The following KLRG1 variants were observed in gnomAD, a reference collection of about 807,000 sequenced individuals.
KLRG1 encodes the protein killer cell lectin-like receptor subfamily G member 1.
KLRG1 carries 16 observed loss-of-function variants against 21.8 expected under a neutral mutation model. The observed-to-expected ratio is 0.73, with a 90% confidence interval of 0.50 to 1.11. The LOEUF (loss-of-function observed/expected upper bound fraction) is 1.11. KLRG1 is among the 50% of genes most tolerant of loss of function. KLRG1 has a pLI of 0.00. For synonymous variants in KLRG1, 69 were observed against 75.9 expected (o/e 0.91, Z 0.47); for missense variants, 173 against 218.3 (o/e 0.79, Z 1.31).
intron 3 of KLRG1, among the ~76,000 whole-genome samples, chr12:9,005,317 C>T (rs1947440239): frequency 6.6e-6 from 1 of 152,014 alleles, no homozygotes; most frequent in African/African-American, 2.4e-5. Context: ...CAAAACTGCA[C>T]ATTCTGCACA....
chr12:8,972,498 G>C (rs941054530), intron 1 of KLRG1, among the ~76,000 whole-genome samples: 8 of 152,188 alleles, frequency 5.3e-5, no homozygotes, highest in Admixed American at 5.2e-4. Flanking sequence ...TATATGGTGT[G>C]AGTTAAGTCC....
At chr12:9,038,919 A>T in the KLRG1 span, among the ~76,000 whole-genome samples, 1 of 150,542 alleles carries the variant, frequency 6.6e-6, no homozygotes, top group Non-Finnish European at 1.5e-5. Flanking sequence ...AAAAAAAAAA[A>T]TTGAAACAAA....
the KLRG1 span, among the ~76,000 whole-genome samples, chr12:9,182,990 C>T: frequency 6.6e-6 from 1 of 152,168 alleles, no homozygotes; most frequent in Non-Finnish European, 1.5e-5. Context: ...TTTCCAGTAA[C>T]ATATTCTTGG....
chr12:9,152,813 G>C, the KLRG1 span: 2 of 1,613,442 alleles, frequency 1.2e-6, no homozygotes, highest in African/African-American at 1.3e-5. Flanking sequence ...GATTAGGTTA[G>C]AACGTCTTAC....
the KLRG1 span, among the ~76,000 whole-genome samples, chr12:9,059,345 C>A: frequency 6.6e-6 from 1 of 152,190 alleles, no homozygotes; most frequent in Non-Finnish European, 1.5e-5. Flanking sequence ...AATGTATCAG[C>A]ACCTAGCACA....
the KLRG1 span, among the ~76,000 whole-genome samples, chr12:9,056,926 G>T: frequency 2.0e-5 from 3 of 152,054 alleles, no homozygotes; most frequent in African/African-American, 7.2e-5. Flanking sequence ...ATAATTATTT[G>T]TATAGTTCTT....
chr12:8,987,868 T>C (rs1946870164), upstream of KLRG1, among the ~76,000 whole-genome samples: 1 of 152,248 alleles, frequency 6.6e-6, no homozygotes, highest in South Asian at 2.1e-4. Context: ...ATTGTATGTG[T>C]AGACCACATT....
chr12:9,115,674 A>C, the KLRG1 span: 1 of 959,790 alleles, frequency 1.0e-6, no homozygotes, highest in Non-Finnish European at 1.7e-6. Context: ...TGACAGTATC[A>C]TAGGAAAGAA....
At chr12:8,983,162 A>T (rs911428696) in intron 1 of KLRG1, among the ~76,000 whole-genome samples, 3 of 151,968 alleles carry the variant, frequency 2.0e-5, no homozygotes, top group African/African-American at 7.2e-5. Flanking sequence ...AATTCTTTAT[A>T]TGTACTTATA....
At chr12:9,160,922 T>TA in the KLRG1 span, 1 of 791,514 alleles carries the variant, frequency 1.3e-6, no homozygotes, top group Non-Finnish European at 2.1e-6. Flanking sequence ...CTCAAAAAAA[T>TA]AAAAAAGAAT....
chr12:9,052,100 C>T, the KLRG1 span, among the ~76,000 whole-genome samples: 1 of 152,164 alleles, frequency 6.6e-6, no homozygotes, highest in Non-Finnish European at 1.5e-5. Context: ...AGAGCGTCTG[C>T]AGGCATGGCT....
chr12:9,089,986 C>G, the KLRG1 span: 1 of 1,605,958 alleles, frequency 6.2e-7, no homozygotes, highest in Non-Finnish European at 8.5e-7. Context: ...GCTCTTGAGA[C>G]TCTAGTGCCT....
the KLRG1 span, chr12:9,168,924 C>G: frequency 2.4e-4 from 380 of 1,614,058 alleles, 1 homozygote; most frequent in Non-Finnish European, 3.2e-4. Context: ...TGACTGAACA[C>G]GACTTTGGTT....
At position 8,954,947 on chromosome 12, in the gene KLRG1, C is replaced by T. The variant is rs766495654; in HGVS notation, c.-156+4711C>T. On this transcript the variant is annotated intron_variant, in intron 1 of 4. Coordinates refer to the KLRG1 transcript ENST00000539240. ...TTCTTTTTTTTTTGAGGCGGAGTCT[C>T]GATCTCTTGCCCAGGCTGGAGTGCA... Among the ~76,000 whole-genome samples the T allele has an allele frequency of 2.6e-5, 4 of 151,762 alleles. No homozygotes were observed. In the East Asian group the frequency reaches 5.8e-4, roughly 22 times the overall value.
chr12:9,152,470 C>G, the KLRG1 span, among the ~76,000 whole-genome samples: 57 of 152,250 alleles, frequency 3.7e-4, 2 homozygotes, highest in African/African-American at 1.3e-3. Context: ...TGACATTGGA[C>G]ACATGCATAT....
At chr12:9,171,149 C>T in the KLRG1 span, among the ~76,000 whole-genome samples, 1 of 152,196 alleles carries the variant, frequency 6.6e-6, no homozygotes, top group Non-Finnish European at 1.5e-5. Flanking sequence ...GAGGAAGGCA[C>T]AGGCTGCCAT....
chr12:9,105,883 T>C, the KLRG1 span, among the ~76,000 whole-genome samples: 2 of 152,128 alleles, frequency 1.3e-5, no homozygotes, highest in Non-Finnish European at 2.9e-5. Flanking sequence ...AGCATGAATT[T>C]TGAGATTCTT....
chr12:9,106,745 C>A, the KLRG1 span: 1 of 465,082 alleles, frequency 2.2e-6, no homozygotes, highest in Non-Finnish European at 3.8e-6. Context: ...TAAATATTCT[C>A]TAGCAACTAA....
chr12:9,199,994 T>C, the KLRG1 span, among the ~76,000 whole-genome samples: 3 of 152,216 alleles, frequency 2.0e-5, no homozygotes, highest in Non-Finnish European at 2.9e-5. Context: ...GCAATTAGTT[T>C]TGGAAAATTA....
Sources: allele counts gnomAD v4.1 joint callset (sites outside exome capture counted in the v4.1 genomes callset), GRCh38; gene constraint gnomAD v4.1.1; transcripts MANE v1.5; gene names NCBI Gene and HGNC (gene_info 2026-07-23, HGNC 2026-07-21).